The following PCDHA4 variants were observed in gnomAD, a reference collection of about 807,000 sequenced individuals.
The protein encoded by PCDHA4 is protocadherin alpha 4, also known as protocadherin alpha-4.
PCDHA4 carries 49 observed loss-of-function variants against 61.4 expected under a neutral mutation model. The ratio of observed to expected loss-of-function variants is 0.80; its 90% confidence interval spans 0.63 to 1.01. The LOEUF is 1.01. PCDHA4 is among the 50% of genes least tolerant of loss of function. The pLI is 0.00. For missense variants in PCDHA4, 1,254 were observed against 1,235.8 expected, an observed-to-expected ratio of 1.01 and a Z score of -0.22; for synonymous variants, 590 against 550.3, an observed-to-expected ratio of 1.07 and a Z score of -1.01.
chr5:140,827,764 A>G (rs1376837793), intron 1 of PCDHA4, among the ~76,000 whole-genome samples: 1 of 152,256 alleles, frequency 6.6e-6, no homozygotes, highest in Non-Finnish European at 1.5e-5. Context: ...TTAAATTAAT[A>G]AAAGAAGTCG....
chr5:140,838,115 TG>T (rs1554136890), intron 1 of PCDHA4, among the ~76,000 whole-genome samples: 5 of 149,894 alleles, frequency 3.3e-5, no homozygotes, highest in Non-Finnish European at 7.4e-5. Context: ...TGTGTGTGTG[TG>T]TGTGTGTGTG....
At chr5:140,822,997 C>T in intron 1 of PCDHA4, 1 of 1,614,238 alleles carries the variant, frequency 6.2e-7, no homozygotes, top group African/African-American at 1.3e-5. Flanking sequence ...CTCGTTGGTG[C>T]TGGACAGCGC....
intron 1 of PCDHA4, chr5:140,849,292 C>T (rs1472038377): frequency 1.5e-5 from 18 of 1,231,626 alleles, no homozygotes; most frequent in African/African-American, 1.8e-5. Flanking sequence ...CACCCCAATG[C>T]CTCAGATTTA....
At chr5:141,002,485 C>T (rs1287282223) in intron 3 of PCDHA4, among the ~76,000 whole-genome samples, 2 of 152,154 alleles carry the variant, frequency 1.3e-5, no homozygotes, top group Non-Finnish European at 2.9e-5. Flanking sequence ...AAAGGATGAC[C>T]TTGTTATACA....
At chr5:140,812,224 A>C (rs1329241835) in intron 1 of PCDHA4, 1 of 151,604 alleles carries the variant, frequency 6.6e-6, no homozygotes, top group Non-Finnish European at 1.5e-5. Context: ...TAGATTTTTT[A>C]TGATTATGTC....
intron 1 of PCDHA4, chr5:140,969,111 G>A (rs1554231464): frequency 4.3e-6 from 7 of 1,614,116 alleles, no homozygotes; most frequent in Non-Finnish European, 5.9e-6. Flanking sequence ...ATTGAAGTTC[G>A]AGGGAATGGC....
At chr5:140,858,515 C>A in intron 1 of PCDHA4, 1 of 1,416,092 alleles carries the variant, frequency 7.1e-7, no homozygotes, top group South Asian at 1.2e-5. Context: ...AAATATGTAT[C>A]AGAATATTTC....
rs114930676 is a variant in PCDHA4 at position 140,999,076 on chromosome 5, C to G, written c.2534-10551C>G. ...CATGCCTAAGTAGTCTCCTTCACTT[C>G]CTCCTTCAGAGGGCTATGGAGAGTA... On this transcript the variant is annotated intron_variant, in intron 3 of 3. Transcript: ENST00000530339. Among the ~76,000 whole-genome samples the G allele has an allele frequency of 3.3e-3, 503 of 152,332 alleles. 4 individuals are homozygous for G. The highest frequency in any genetic ancestry group is 0.011 in the African/African-American group (469 of 41,568).
At chr5:140,962,541 A>AGTT (rs2095690394) in intron 1 of PCDHA4, among the ~76,000 whole-genome samples, 1 of 152,220 alleles carries the variant, frequency 6.6e-6, no homozygotes, top group Non-Finnish European at 1.5e-5. Flanking sequence ...AGAACTAAAA[A>AGTT]TGTAGAGGAT....
intron 1 of PCDHA4, among the ~76,000 whole-genome samples, chr5:140,827,478 A>G (rs1477917338): frequency 6.6e-6 from 1 of 152,232 alleles, no homozygotes; most frequent in Non-Finnish European, 1.5e-5. Context: ...TTATTGAACA[A>G]AGAAAGCATG....
In PCDHA4 at chr5:140,883,441, G is replaced by A. The variant is rs782063932; in HGVS notation, c.2385+73869G>A. 3.1e-6 allele frequency: 5 copies of A among 1,614,130 alleles called. No homozygotes were observed. In the African/African-American group the frequency reaches 4.0e-5, roughly 13 times the overall value. Reference sequence around the variant, plus strand: ...GACAGGTCACCTGCACCTTGACGCCGCATGTCCCCTTCAAGCTGGTGTCCA... The same window carrying A: ...GACAGGTCACCTGCACCTTGACGCCACATGTCCCCTTCAAGCTGGTGTCCA... On this transcript the variant is annotated intron_variant, in intron 1 of 3. Transcript: ENST00000530339.
chr5:140,953,475 T>C (rs1178172011), intron 1 of PCDHA4, among the ~76,000 whole-genome samples: 3 of 152,140 alleles, frequency 2.0e-5, no homozygotes, highest in African/African-American at 7.2e-5. Context: ...AACTTCCTCA[T>C]GCTGTGTCAC....
At chr5:140,931,744 C>G (rs2087714665) in intron 1 of PCDHA4, among the ~76,000 whole-genome samples, 5 of 151,904 alleles carry the variant, frequency 3.3e-5, no homozygotes, top group Admixed American at 3.3e-4. Flanking sequence ...TTGTAATTCA[C>G]AAAGGCATTT....
chr5:140,821,982 C>A (rs2150112541), intron 1 of PCDHA4: 12 of 1,614,108 alleles, frequency 7.4e-6, no homozygotes, highest in South Asian at 3.3e-5. Flanking sequence ...CGTCCAAGGG[C>A]CGCGGGGACC....
At chr5:140,967,730 G>A (rs2096176474) in intron 1 of PCDHA4, 1 of 1,614,146 alleles carries the variant, frequency 6.2e-7, no homozygotes, top group Non-Finnish European at 8.5e-7. Context: ...AGTAATTGGG[G>A]GGCTGGATTA....
intron 1 of PCDHA4, among the ~76,000 whole-genome samples, chr5:140,914,220 C>A (rs1210445622): frequency 6.6e-6 from 1 of 152,212 alleles, no homozygotes; most frequent in South Asian, 2.1e-4. Flanking sequence ...TCTCTTTTAG[C>A]TCTAATACTA....
Position 140,807,289 on chromosome 5 carries a change from G to A in PCDHA4, c.102G>A (p.Ser34=). 1 of 1,614,180 alleles carries A rather than the reference G, an allele frequency of 6.2e-7. No individual in the cohort carries two copies. Among genetic ancestry groups the A allele is most frequent in the African/African-American group, 1.3e-5 (1 of 75,038 alleles). The change falls in exon 1 of 4, where the codon TCG becomes TCA. Residue 34 remains serine (S), a synonymous_variant. Coordinates refer to ENST00000530339, the MANE Select transcript of PCDHA4 (RefSeq NM_018907.4). ...CAGGGAACGGTCAGCTCCACTACTC[G>A]GTCTCCGAGGAGGCCAAACACGGCA... ...WEAGNGQLHY[S]VSEEAKHGTF... is the part of the protein sequence containing the mutation.
At chr5:140,873,615 A>C (rs1487252868) in intron 1 of PCDHA4, among the ~76,000 whole-genome samples, 3 of 152,280 alleles carry the variant, frequency 2.0e-5, no homozygotes, top group African/African-American at 7.2e-5. Context: ...TTGGCTTAAC[A>C]ATTTGTTTAG....
intron 1 of PCDHA4, chr5:140,927,348 C>T (rs2153588187): frequency 1.2e-6 from 2 of 1,613,982 alleles, no homozygotes; most frequent in South Asian, 1.1e-5. Flanking sequence ...AAGATGACGA[C>T]GAGGGAAGCA....
Sources: allele counts gnomAD v4.1 joint callset (sites outside exome capture counted in the v4.1 genomes callset), GRCh38; gene constraint gnomAD v4.1.1; transcripts MANE v1.5; gene names NCBI Gene and HGNC (gene_info 2026-07-23, HGNC 2026-07-21).